TPP2: variants seen among roughly 807,000 people sequenced by gnomAD.
TPP2 encodes tripeptidyl peptidase 2.
A neutral mutation model predicts 155.9 loss-of-function variants in TPP2; 34 were observed. The ratio of observed to expected loss-of-function variants is 0.22; its 90% CI spans 0.17 to 0.29. The LOEUF (loss-of-function observed/expected upper bound fraction) is 0.29, where lower values mean the gene tolerates loss of function less well. Ranked by LOEUF, TPP2 falls within the 10% of genes least tolerant of loss-of-function variation. The pLI is 1.00. For synonymous variants in TPP2, 510 were observed against 529.4 expected, an observed-to-expected ratio of 0.96 and a Z score of 0.50; for missense variants, 1,028 against 1,522.3, an observed-to-expected ratio of 0.68 and a Z score of 5.40.
In TPP2 at chr13:102,627,905, A is replaced by G; in HGVS notation, c.997A>G (p.Thr333Ala). The G allele has an allele frequency of 6.2e-7, 1 of 1,613,428 alleles. No homozygotes were observed. The highest frequency in any genetic ancestry group is 8.5e-7 in the Non-Finnish European group (1 of 1,179,696). ...DLVNYSYGEATHWPNSGRICE... is the reference protein window; with the variant it reads ...DLVNYSYGEAAHWPNSGRICE... ...TGTCAACTACAGTTACGGAGAAGCA[A>G]CTCACTGGCCAAATTCTGGGTGAGT... The change falls in exon 8 of 30, where the codon ACT (threonine) becomes GCT (alanine). Residue 333 changes from threonine to alanine, a missense_variant. By Grantham distance (58) the Thr-to-Ala change is moderately conservative. Coordinates refer to ENST00000376052, the MANE Select transcript of TPP2 (RefSeq NM_001330588.2).
At chr13:102,653,492 A>T (rs1443928964) in intron 24 of TPP2, among the ~76,000 whole-genome samples, 1 of 152,146 alleles carries the variant, frequency 6.6e-6, no homozygotes, top group African/African-American at 2.4e-5. Flanking sequence ...TCCTGGGCTC[A>T]AGTGATCCTC....
Position 102,663,598 on chromosome 13 carries a change from G to C in TPP2, c.3144-50G>C, listed in dbSNP as rs9585959. ...TGTTAAATAATAGAGAAGACAAATAGTCTTTTTAAAAGAAAAAAGTAAATA... is the reference window on the plus strand; with the variant it reads ...TGTTAAATAATAGAGAAGACAAATACTCTTTTTAAAAGAAAAAAGTAAATA... On this transcript the variant is annotated intron_variant, in intron 25 of 29. Transcript: ENST00000376052. 692,781 of 1,308,116 alleles carry C rather than the reference G, an allele frequency of 0.53. 184,847 individuals carry two copies. The highest frequency in any genetic ancestry group is 0.62 in the African/African-American group (40,496 of 65,504). 81.0% of individuals were successfully genotyped at this position (1,308,116 alleles called of 1,614,324 possible).
chr13:102,626,289 ACTT>A (rs1235944879), intron 6 of TPP2, among the ~76,000 whole-genome samples: 1 of 152,028 alleles, frequency 6.6e-6, no homozygotes, highest in Non-Finnish European at 1.5e-5. Flanking sequence ...TTTGTATGTG[ACTT>A]CTTTAGTTCA....
At chr13:102,631,070 G>T (rs974706909) in intron 10 of TPP2, among the ~76,000 whole-genome samples, 1 of 152,178 alleles carries the variant, frequency 6.6e-6, no homozygotes, top group Non-Finnish European at 1.5e-5. Flanking sequence ...CAGAAGAAAG[G>T]AGTTCTATAT....
intron 27 of TPP2, among the ~76,000 whole-genome samples, chr13:102,671,415 T>C (rs1299160295): frequency 6.6e-6 from 1 of 152,188 alleles, no homozygotes; most frequent in African/African-American, 2.4e-5. Flanking sequence ...GTAATTTCTC[T>C]CCCTTTAAAG....
chr13:102,676,074 CAT>C (rs1366777563), intron 28 of TPP2, among the ~76,000 whole-genome samples: 11 of 152,166 alleles, frequency 7.2e-5, no homozygotes, highest in Non-Finnish European at 1.3e-4. Flanking sequence ...AATAATTTCT[CAT>C]ATTAGTTTTC....
At chr13:102,658,633 C>G (rs1378662247) in intron 25 of TPP2, among the ~76,000 whole-genome samples, 1 of 152,136 alleles carries the variant, frequency 6.6e-6, no homozygotes, top group Non-Finnish European at 1.5e-5. Context: ...TCAAAAATAC[C>G]TACAAGAATT....
rs1308074286 is a variant in TPP2, at chr13:102,649,154, A to G, written c.2873+3A>G. On this transcript the variant is annotated splice_donor_region_variant and intron_variant, in intron 22 of 29. Coordinates refer to ENST00000376052, the MANE Select transcript of TPP2 (RefSeq NM_001330588.2). ...GTTACTTCCTTACCTGATGATAAGT[A>G]AGTGATAACATTGCTTATACTTACT... 1 of 1,598,836 alleles carries G rather than the reference A, an allele frequency of 6.3e-7. No individual in the cohort carries two copies. Among genetic ancestry groups the G allele is most frequent in the Non-Finnish European group, 8.5e-7 (1 of 1,173,212 alleles).
intron 1 of TPP2, among the ~76,000 whole-genome samples, chr13:102,598,682 A>G (rs1265298515): frequency 6.6e-6 from 1 of 152,198 alleles, no homozygotes; most frequent in Non-Finnish European, 1.5e-5. Context: ...CAGCTGGGAT[A>G]AGTGGTTCAC....
chr13:102,648,899 T>A lies in TPP2; in HGVS notation c.2629-8T>A. 6.4e-7 allele frequency: 1 copy of A among 1,573,728 alleles called. No individual in the cohort carries two copies. Among genetic ancestry groups the A allele is most frequent in the South Asian group, 1.2e-5 (1 of 84,416 alleles). On this transcript the variant is annotated splice_polypyrimidine_tract_variant and splice_region_variant and intron_variant, in intron 21 of 29. Transcript: ENST00000376052. ...TAACTTTTCCCAAATGTTGTTTTTCTTTTTCAGTATTCTTTGAAACTGGAG... is the reference window on the plus strand; with the variant it reads ...TAACTTTTCCCAAATGTTGTTTTTCATTTTCAGTATTCTTTGAAACTGGAG...
At chr13:102,617,397 G>A (rs73578862) in intron 4 of TPP2, among the ~76,000 whole-genome samples, 31 of 152,278 alleles carry the variant, frequency 2.0e-4, no homozygotes, top group African/African-American at 7.2e-4. Context: ...TAAGTCACCT[G>A]AATTATTTTA....
At position 102,679,241 on chromosome 13, in the gene TPP2, CAAAA is replaced by C. The variant is rs1165565192; in HGVS notation, c.*929_*932del. 3.9e-5 allele frequency: 6 copies of C among 152,012 alleles called. No individual in the cohort carries two copies. The highest frequency in any genetic ancestry group is 1.3e-4 in the Admixed American group (2 of 15,234). The allele number at this position is 152,012 out of a possible 1,614,324, so 9.4% of individuals were successfully genotyped here. A position where few individuals can be genotyped will look rare whatever the true frequency, so the allele number is the denominator to read the frequency against. On this transcript the variant is annotated 3_prime_UTR_variant, in exon 30 of 30. Transcript: ENST00000376052. The stretch of plus-strand genomic sequence containing the variant: ...AGAAATAATACATTAAATACATAGA[CAAAA>C]AAAGTTAAACATAAGATAATCTATT...
chr13:102,669,716 T>G (rs905838060), intron 27 of TPP2, among the ~76,000 whole-genome samples: 6 of 151,478 alleles, frequency 4.0e-5, no homozygotes, highest in African/African-American at 1.5e-4. Flanking sequence ...TTAGATAAAT[T>G]TGTCCAATTT....
In TPP2 at chr13:102,679,313, C is replaced by T. The variant is rs1200131485; in HGVS notation, c.*997C>T. 1 of 152,188 alleles carries T rather than the reference C, an allele frequency of 6.6e-6. No individual in the cohort carries two copies. Among genetic ancestry groups the T allele is most frequent in the Non-Finnish European group, 1.5e-5 (1 of 68,028 alleles). 9.4% of individuals were successfully genotyped at this position (152,188 alleles called of 1,614,324 possible). ...GGCTTACAATTATTTGAATGTATTT[C>T]CAGTTCTTGTATGATTAACTTTTGT... On this transcript the variant is annotated 3_prime_UTR_variant, in exon 30 of 30. Coordinates refer to ENST00000376052, the MANE Select transcript of TPP2 (RefSeq NM_001330588.2).
chr13:102,673,894 C>T (rs1045098555), intron 27 of TPP2, among the ~76,000 whole-genome samples: 3 of 152,110 alleles, frequency 2.0e-5, no homozygotes, highest in African/African-American at 7.2e-5. Context: ...TAAGACATAA[C>T]CTCTGGGTAT....
intron 13 of TPP2, 140 bp from the exon 14 acceptor site, chr13:102,636,940 CTG>C (rs1256142644): frequency 4.1e-6 from 3 of 740,458 alleles, no homozygotes; most frequent in Non-Finnish European, 6.4e-6. Flanking sequence ...GATTATTTGA[CTG>C]TTTTATTTAA....
At chr13:102,623,626 T>G (rs138985152) in intron 6 of TPP2, among the ~76,000 whole-genome samples, 11 of 152,322 alleles carry the variant, frequency 7.2e-5, no homozygotes, top group Middle Eastern at 3.4e-3. Context: ...ATCTTAACTC[T>G]TGAGAAATTC....
chr13:102,647,320 T>G lies in TPP2; in HGVS notation c.2604T>G (p.Gly868=), dbSNP rs1883174988. 1 of 1,613,754 alleles carries G rather than the reference T, an allele frequency of 6.2e-7. No individual in the cohort carries two copies. The highest frequency in any genetic ancestry group is 8.5e-7 in the Non-Finnish European group (1 of 1,179,884). The change falls in exon 21 of 30, where the codon GGT becomes GGG. Residue 868 remains glycine (G), a synonymous_variant. Transcript: ENST00000376052. ...IIFDQNKRQM[G]SGDAYPHQYS... ...TTGACCAGAACAAAAGACAGATGGG[T>G]TCAGGCGATGCCTATCCACATCAGG...
At chr13:102,607,050 G>A (rs576727483) in intron 2 of TPP2, among the ~76,000 whole-genome samples, 1 of 152,276 alleles carries the variant, frequency 6.6e-6, no homozygotes, top group South Asian at 2.1e-4. Flanking sequence ...GCTCTTTCTA[G>A]GGCATATGAG....
Sources: gnomAD v4.1 joint callset for allele counts (sites outside exome capture counted in the v4.1 genomes callset) on GRCh38, gnomAD v4.1.1 for gene constraint, MANE v1.5 for transcripts, NCBI Gene and HGNC (gene_info 2026-07-23, HGNC 2026-07-21) for gene names.